Variants in RALGPS2 observed in about 807,000 individuals in gnomAD.
RALGPS2 encodes Ral GEF with PH domain and SH3 binding motif 2, also known as ras-specific guanine nucleotide-releasing factor RalGPS2.
In RALGPS2, 43 loss-of-function variants were observed where a neutral mutation model predicts 86.8. That is an observed-to-expected ratio of 0.50 (90% CI 0.39 to 0.64). RALGPS2 has a LOEUF of 0.64. Ranked by LOEUF, RALGPS2 falls within the 30% of genes least tolerant of loss-of-function variation. RALGPS2 has a pLI of 0.00. For missense variants in RALGPS2, 536 were observed against 694.6 expected, an observed-to-expected ratio of 0.77 and a Z score of 2.57; for synonymous variants, 243 against 231.3, an observed-to-expected ratio of 1.05 and a Z score of -0.46.
At chr1:178,730,505 G>A (rs1650272015) in intron 1 of RALGPS2, among the ~76,000 whole-genome samples, 1 of 150,162 alleles carries the variant, frequency 6.7e-6, no homozygotes, top group Non-Finnish European at 1.5e-5. Flanking sequence ...TTTCCTATTT[G>A]TCTCTAATTT....
intron 4 of RALGPS2, among the ~76,000 whole-genome samples, chr1:178,807,409 C>T (rs1654793481): frequency 6.6e-6 from 1 of 152,152 alleles, no homozygotes; most frequent in Non-Finnish European, 1.5e-5. Context: ...TCTGCATCAA[C>T]TGTAATGTGA....
intron 7 of RALGPS2, among the ~76,000 whole-genome samples, chr1:178,826,098 G>T (rs569081969): frequency 2.5e-4 from 38 of 152,260 alleles, no homozygotes; most frequent in Non-Finnish European, 4.6e-4. Flanking sequence ...GAAAGGTTTG[G>T]GATGGTTTTG....
chr1:178,793,765 A>G (rs946787619), intron 4 of RALGPS2, among the ~76,000 whole-genome samples: 2 of 152,180 alleles, frequency 1.3e-5, no homozygotes, highest in African/African-American at 4.8e-5. Flanking sequence ...CTGTATGCAT[A>G]TGATCTCCCA....
intron 4 of RALGPS2, among the ~76,000 whole-genome samples, chr1:178,787,914 G>T (rs995164151): frequency 6.6e-6 from 1 of 152,124 alleles, no homozygotes; most frequent in Non-Finnish European, 1.5e-5. Context: ...TTCAACATCT[G>T]TTGGATCTGT....
intron 1 of RALGPS2, among the ~76,000 whole-genome samples, chr1:178,738,632 C>T (rs1023848445): frequency 2.0e-5 from 3 of 152,192 alleles, no homozygotes; most frequent in African/African-American, 7.2e-5. Context: ...ATATAATTTA[C>T]TAAGCTAAAA....
At chr1:178,730,696 T>C (rs984373841) in intron 1 of RALGPS2, among the ~76,000 whole-genome samples, 1 of 149,994 alleles carries the variant, frequency 6.7e-6, no homozygotes, top group Non-Finnish European at 1.5e-5. Flanking sequence ...AGAATTCTGT[T>C]TTTTTTTTTG....
intron 8 of RALGPS2, among the ~76,000 whole-genome samples, chr1:178,848,733 A>T: frequency 6.6e-6 from 1 of 152,146 alleles, no homozygotes; most frequent in East Asian, 1.9e-4. Context: ...GCCCACTGCA[A>T]GCAATTCTTC....
intron 2 of RALGPS2, among the ~76,000 whole-genome samples, chr1:178,778,642 C>T (rs933353875): frequency 3.9e-5 from 5 of 126,736 alleles, no homozygotes; most frequent in Admixed American, 2.5e-4. Context: ...TTGGAACCAA[C>T]CCAAATGTCC....
chr1:178,865,632 A>C, intron 8 of RALGPS2: 1 of 1,613,948 alleles, frequency 6.2e-7, no homozygotes, highest in Non-Finnish European at 8.5e-7. Flanking sequence ...GTGTATGCAC[A>C]TTTCTTTGCT....
intron 1 of RALGPS2, among the ~76,000 whole-genome samples, chr1:178,764,162 G>A (rs200263989): frequency 1.4e-5 from 2 of 138,792 alleles, no homozygotes; most frequent in Admixed American, 1.4e-4. Context: ...TTGGGTGTGT[G>A]TATATATTTA....
At chr1:178,799,476 C>T (rs753345624) in intron 4 of RALGPS2, among the ~76,000 whole-genome samples, 10 of 152,062 alleles carry the variant, frequency 6.6e-5, no homozygotes, top group South Asian at 2.1e-4. Context: ...TGTGCAATTG[C>T]GGTTGGGTTT....
chr1:178,820,268 C>T (rs1374858480), intron 6 of RALGPS2, among the ~76,000 whole-genome samples: 4 of 152,108 alleles, frequency 2.6e-5, no homozygotes, highest in African/African-American at 4.8e-5. Flanking sequence ...GGTTGTGAAC[C>T]GATGCCTGGC....
chr1:178,737,311 ATCTTGGCTC>A, intron 1 of RALGPS2, among the ~76,000 whole-genome samples: 1 of 152,278 alleles, frequency 6.6e-6, no homozygotes, highest in Non-Finnish European at 1.5e-5. Context: ...CGGTGGCATG[ATCTTGGCTC>A]ACTGCAACCT....
intron 1 of RALGPS2, among the ~76,000 whole-genome samples, chr1:178,774,162 C>T (rs1652958883): frequency 6.6e-6 from 1 of 152,116 alleles, no homozygotes; most frequent in African/African-American, 2.4e-5. Flanking sequence ...ATAATCCCAG[C>T]TACTCAGGAG....
intron 17 of RALGPS2, among the ~76,000 whole-genome samples, chr1:178,901,400 G>A (rs1660169352): frequency 6.6e-6 from 1 of 151,984 alleles, no homozygotes; most frequent in Non-Finnish European, 1.5e-5. Context: ...ACAATGCACT[G>A]TTTGATTTTT....
At chr1:178,883,709 G>A (rs1659355841) in intron 11 of RALGPS2, among the ~76,000 whole-genome samples, 176 bp downstream of exon 11, 1 of 152,054 alleles carries the variant, frequency 6.6e-6, no homozygotes, top group Non-Finnish European at 1.5e-5. Flanking sequence ...TTGCTGGCCG[G>A]GCAGGGTGGC....
At chr1:178,896,102 A>G (rs964760523) in intron 16 of RALGPS2, among the ~76,000 whole-genome samples, 67 of 152,104 alleles carry the variant, frequency 4.4e-4, no homozygotes, top group African/African-American at 1.5e-3. Context: ...CAGTACTTCA[A>G]AAAGCAAAGA....
intron 1 of RALGPS2, among the ~76,000 whole-genome samples, chr1:178,745,832 T>TC (rs1651289828): frequency 7.4e-6 from 1 of 134,690 alleles, no homozygotes; most frequent in East Asian, 2.0e-4. Flanking sequence ...CTTTTTTTTT[T>TC]TTTTTTTTTT....
At chr1:178,837,547 C>T (rs76127187) in intron 8 of RALGPS2, among the ~76,000 whole-genome samples, 4,609 of 152,178 alleles carry the variant, frequency 0.03, 226 homozygotes, top group African/African-American at 0.1. Context: ...CAAAAGGCAG[C>T]GGGGAGGGTT....
Sources: gnomAD v4.1 joint callset for allele counts (sites outside exome capture counted in the v4.1 genomes callset) on GRCh38, gnomAD v4.1.1 for gene constraint, MANE v1.5 for transcripts, NCBI Gene and HGNC (gene_info 2026-07-23, HGNC 2026-07-21) for gene names.